The following TRAPPC9 variants were observed in gnomAD, a reference collection of about 807,000 sequenced individuals.
The protein encoded by TRAPPC9 is trafficking protein particle complex subunit 9.
Under a neutral mutation model 124.0 loss-of-function variants are expected in TRAPPC9, and 83 were observed. That is an observed-to-expected ratio of 0.67 (90% CI 0.56 to 0.80). TRAPPC9 has a LOEUF of 0.80. Among genes scored for constraint, TRAPPC9 ranks in the 30% least tolerant of loss-of-function variants. The pLI, the probability that TRAPPC9 is intolerant of heterozygous loss-of-function variation, is 0.00. For missense variants in TRAPPC9, 1,302 were observed against 1,508.3 expected (o/e 0.86, Z 2.27); for synonymous variants, 638 against 617.5 (o/e 1.03, Z -0.49).
chr8:139,813,249 G>A lies in TRAPPC9; in HGVS notation c.3055+72630C>T, dbSNP rs563806328. Among the ~76,000 whole-genome samples the A allele has an allele frequency of 2.6e-5, 4 of 152,336 alleles. No individual in the cohort carries two copies. In the East Asian group the frequency reaches 7.7e-4, roughly 29 times the overall value. On this transcript the variant is annotated intron_variant, in intron 21 of 22. Transcript: ENST00000438773. ...CCTAGAGTAAGTCACGTCCCCTCTT[G>A]CACCTCAGTTTCCTCCTCTTAAAAT...
At chr8:140,198,078 C>G (rs1366637630) in intron 17 of TRAPPC9, among the ~76,000 whole-genome samples, 1 of 152,112 alleles carries the variant, frequency 6.6e-6, no homozygotes. Context: ...ACAGGGTGAC[C>G]CTGAAACTGC....
intron 21 of TRAPPC9, among the ~76,000 whole-genome samples, chr8:139,790,649 C>T (rs753255291): frequency 3.9e-5 from 6 of 152,140 alleles, no homozygotes; most frequent in Non-Finnish European, 8.8e-5. Flanking sequence ...AGAGCATGGA[C>T]GCCGCTGCAC....
At position 140,264,348 on chromosome 8, in the gene TRAPPC9, C is replaced by A. The variant is rs549094154; in HGVS notation, c.2278+11310G>T. ...CTTTCCCAGGTGCTCCCCATGGCCTCCCAAGGTGCTTCTTACACTCTTGCT... is the reference window on the plus strand; with the variant it reads ...CTTTCCCAGGTGCTCCCCATGGCCTACCAAGGTGCTTCTTACACTCTTGCT... On this transcript the variant is annotated intron_variant, in intron 15 of 22. Coordinates refer to ENST00000438773, the MANE Select transcript of TRAPPC9 (RefSeq NM_001160372.4). 1.1e-4 allele frequency among the ~76,000 whole-genome samples: 17 copies of A among 152,258 alleles called. No individual in the cohort carries two copies. In the East Asian group the frequency reaches 2.9e-3, roughly 26 times the overall value.
intron 18 of TRAPPC9, among the ~76,000 whole-genome samples, chr8:139,995,546 C>T (rs947192190): frequency 2.0e-5 from 3 of 152,166 alleles, no homozygotes; most frequent in African/African-American, 7.2e-5. Context: ...ACAGTCAGTC[C>T]TCCATGTAGA....
At chr8:140,020,916 C>T (rs888317436) in intron 18 of TRAPPC9, among the ~76,000 whole-genome samples, 3 of 152,132 alleles carry the variant, frequency 2.0e-5, no homozygotes, top group African/African-American at 4.8e-5. Context: ...AAAGTCTAAC[C>T]GTTTGATATT....
intron 21 of TRAPPC9, among the ~76,000 whole-genome samples, chr8:139,787,999 T>C (rs1312684337): frequency 6.6e-6 from 1 of 152,220 alleles, no homozygotes; most frequent in African/African-American, 2.4e-5. Context: ...CGCGGGCATC[T>C]GACCCTGTGG....
intron 18 of TRAPPC9, among the ~76,000 whole-genome samples, chr8:140,008,773 T>A (rs940998430): frequency 6.6e-6 from 1 of 152,226 alleles, no homozygotes; most frequent in African/African-American, 2.4e-5. Flanking sequence ...GGAAAGTTGA[T>A]CAGACTTTTA....
At position 140,397,074 on chromosome 8, in the gene TRAPPC9, G is replaced by A. The variant is rs112787426; in HGVS notation, c.1134+546C>T. On this transcript the variant is annotated intron_variant, in intron 7 of 22. Transcript: ENST00000438773. ...AGTTTCCCTATCTATAAAGATCCAA[G>A]TTAAACTAACTAAATATCTAAAATC... 7.7e-3 allele frequency among the ~76,000 whole-genome samples: 1,174 copies of A among 152,282 alleles called. 10 individuals are homozygous for A. Among genetic ancestry groups the A allele is most frequent in the Non-Finnish European group, 0.01 (688 of 68,018 alleles).
rs7387724 is a variant in TRAPPC9 at position 140,224,892 on chromosome 8, T to C, written c.2432-3309A>G. 2.6e-5 allele frequency among the ~76,000 whole-genome samples: 4 copies of C among 151,924 alleles called. No individual in the cohort carries two copies. The East Asian group carries it at 5.8e-4, about 22-fold the overall frequency. On this transcript the variant is annotated intron_variant, in intron 16 of 22. Coordinates refer to ENST00000438773, the MANE Select transcript of TRAPPC9 (RefSeq NM_001160372.4). ...CCTACCTCCTGCTGATCTGTATACA[T>C]GCAGAGAGCCCGGTAGGAGATCAGA...
At chr8:140,065,393 AAAC>A (rs1842854077) in intron 17 of TRAPPC9, among the ~76,000 whole-genome samples, 1 of 152,218 alleles carries the variant, frequency 6.6e-6, no homozygotes, top group Admixed American at 6.5e-5. Context: ...TGGCTACACT[AAAC>A]AACAGATTTG....
chr8:139,980,845 C>T (rs530987356), intron 19 of TRAPPC9, among the ~76,000 whole-genome samples: 10 of 152,250 alleles, frequency 6.6e-5, no homozygotes, highest in Middle Eastern at 3.4e-3. Context: ...ACCTTCCACG[C>T]GCTAGGAAAG....
intron 19 of TRAPPC9, among the ~76,000 whole-genome samples, chr8:139,987,928 G>C (rs1014510977): frequency 6.6e-6 from 1 of 152,158 alleles, no homozygotes; most frequent in Admixed American, 6.5e-5. Flanking sequence ...GTCTCCTGAG[G>C]CTGACCCTGG....
intron 7 of TRAPPC9, among the ~76,000 whole-genome samples, chr8:140,371,750 C>G (rs2068288299): frequency 6.6e-6 from 1 of 152,136 alleles, no homozygotes; most frequent in East Asian, 1.9e-4. Context: ...GTCACTCAGG[C>G]TGGAGTGCAG....
intron 17 of TRAPPC9, among the ~76,000 whole-genome samples, chr8:140,219,482 C>T (rs1057179042): frequency 1.3e-5 from 2 of 152,212 alleles, no homozygotes; most frequent in South Asian, 2.1e-4. Flanking sequence ...AGGGACCTCA[C>T]GGAGAGTTAA....
intron 7 of TRAPPC9, among the ~76,000 whole-genome samples, chr8:140,385,744 A>AGGAGCT (rs1293990094): frequency 1.3e-5 from 2 of 152,246 alleles, no homozygotes; most frequent in Non-Finnish European, 2.9e-5. Context: ...AGGTATAAGG[A>AGGAGCT]GGAGCTGGTA....
chr8:139,838,624 G>A (rs117273066), intron 21 of TRAPPC9, among the ~76,000 whole-genome samples: 1,699 of 152,230 alleles, frequency 0.011, 17 homozygotes, highest in Middle Eastern at 0.044. Context: ...TTCCTTCAGG[G>A]CCAGGCCTCT....
intron 18 of TRAPPC9, among the ~76,000 whole-genome samples, chr8:140,006,157 G>A (rs920052866): frequency 5.3e-5 from 8 of 152,170 alleles, no homozygotes; most frequent in South Asian, 2.1e-4. Flanking sequence ...AGATGGGAAC[G>A]TGGTGGCATT....
chr8:140,167,653 A>G (rs1243131926), intron 17 of TRAPPC9, among the ~76,000 whole-genome samples: 1 of 152,228 alleles, frequency 6.6e-6, no homozygotes, highest in Non-Finnish European at 1.5e-5. Flanking sequence ...CTCAAAGAAA[A>G]TTGGAAATGT....
chr8:140,103,377 C>T (rs2060613588), intron 17 of TRAPPC9, among the ~76,000 whole-genome samples: 1 of 152,204 alleles, frequency 6.6e-6, no homozygotes, highest in Admixed American at 6.5e-5. Context: ...TCACGTGAGG[C>T]AGCGCCTCTC....
Sources: allele counts gnomAD v4.1 joint callset (sites outside exome capture counted in the v4.1 genomes callset), GRCh38; gene constraint gnomAD v4.1.1; transcripts MANE v1.5; gene names NCBI Gene and HGNC (gene_info 2026-07-23, HGNC 2026-07-21).